The following ZNF277 variants were observed in gnomAD, a reference collection of about 807,000 sequenced individuals.
The protein encoded by ZNF277 is zinc finger protein 277.
A neutral mutation model predicts 60.7 loss-of-function variants in ZNF277; 55 were observed. The ratio of observed to expected loss-of-function variants is 0.91; its 90% CI spans 0.73 to 1.13. The LOEUF is 1.13. ZNF277 is among the 50% of genes most tolerant of loss of function. The pLI is 0.00. For synonymous variants in ZNF277, 178 were observed against 179.3 expected (o/e 0.99, Z 0.06); for missense variants, 510 against 523.0 (o/e 0.98, Z 0.24).
At chr7:112,216,540 G>T (rs186430727) in intron 1 of ZNF277, among the ~76,000 whole-genome samples, 3 of 152,132 alleles carry the variant, frequency 2.0e-5, no homozygotes, top group Admixed American at 1.3e-4. Flanking sequence ...GAATTTCTGA[G>T]CTCAGTGATC....
At position 112,302,131 on chromosome 7, in the gene ZNF277, A is replaced by G. The variant is rs373547877; in HGVS notation, c.465+5820A>G. ...GGTATTTTTTTTAATCACTATTTCA[A>G]ATGTCAGCTTGAGATATCATTCATG... On this transcript the variant is annotated intron_variant, in intron 4 of 11. Transcript: ENST00000361822. 1.3e-3 allele frequency among the ~76,000 whole-genome samples: 194 copies of G among 152,282 alleles called. 1 individual carries two copies. The highest frequency in any genetic ancestry group is 4.2e-3 in the African/African-American group (176 of 41,576).
At chr7:112,327,870 C>G (rs377326201) in intron 6 of ZNF277, 43 bp downstream of exon 6, 32 of 1,277,662 alleles carry the variant, frequency 2.5e-5, no homozygotes, top group Non-Finnish European at 3.5e-5. Flanking sequence ...CTGTTTTAAT[C>G]TTGGACTCTG....
At position 112,275,770 on chromosome 7, in the gene ZNF277, T is replaced by G. The variant is rs944910007; in HGVS notation, c.92-11103T>G. ...ACTGATTCCTCTTTATGAAATTGAT[T>G]AAGAAGGTATCATGTATAAACCAGA... On this transcript the variant is annotated intron_variant, in intron 1 of 11. Transcript: ENST00000361822. 1.2e-4 allele frequency among the ~76,000 whole-genome samples: 7 copies of G among 56,962 alleles called. No individual in the cohort carries two copies. In the East Asian group the frequency reaches 2.7e-3, roughly 22 times the overall value. The allele number at this position is 56,962 out of a possible 152,430, so 37.4% of individuals were successfully genotyped here.
intron 2 of ZNF277, chr7:112,287,583 G>T (rs555246252): frequency 6.7e-6 from 1 of 149,754 alleles, no homozygotes; most frequent in African/African-American, 2.5e-5. Context: ...CTGGAGTGCA[G>T]TGGCACGATC....
At chr7:112,283,715 A>G (rs906918408) in intron 1 of ZNF277, among the ~76,000 whole-genome samples, 1 of 152,316 alleles carries the variant, frequency 6.6e-6, no homozygotes, top group Non-Finnish European at 1.5e-5. Context: ...AGCATTAGAC[A>G]TACAAAAGGG....
chr7:112,212,122 T>G (rs533651150), intron 1 of ZNF277, among the ~76,000 whole-genome samples: 66 of 152,232 alleles, frequency 4.3e-4, no homozygotes, highest in Non-Finnish European at 8.2e-4. Flanking sequence ...GGATAGTATT[T>G]CAGTTTTTTA....
chr7:112,277,256 G>C (rs570805282), intron 1 of ZNF277, among the ~76,000 whole-genome samples: 3 of 151,924 alleles, frequency 2.0e-5, no homozygotes, highest in African/African-American at 7.2e-5. Context: ...CTAATTTTTT[G>C]TATTTTTATT....
rs192070478 is a variant in ZNF277 at position 112,337,348 on chromosome 7, C to A, written c.870-382C>A. Among the ~76,000 whole-genome samples, 22 of 152,336 alleles carry A rather than the reference C, an allele frequency of 1.4e-4. No individual in the cohort carries two copies. In the East Asian group the frequency reaches 3.7e-3, roughly 25 times the overall value. ...CAGAAACACATTCCCGGCATCACACCTCACAGCGTGTGCACTCAGTGGTTG... is the reference window on the plus strand; with the variant it reads ...CAGAAACACATTCCCGGCATCACACATCACAGCGTGTGCACTCAGTGGTTG... On this transcript the variant is annotated intron_variant, in intron 8 of 11. Transcript: ENST00000361822.
intron 1 of ZNF277, among the ~76,000 whole-genome samples, chr7:112,274,743 A>G (rs978704484): frequency 1.1e-4 from 16 of 152,160 alleles, no homozygotes; most frequent in Non-Finnish European, 2.1e-4. Context: ...CTAGACTACT[A>G]TTTCCAAAGT....
At chr7:112,293,752 A>G (rs948370655) in intron 2 of ZNF277, among the ~76,000 whole-genome samples, 1 of 152,166 alleles carries the variant, frequency 6.6e-6, no homozygotes, top group African/African-American at 2.4e-5. Context: ...CTGCCTTTCA[A>G]CAGGCTCTAG....
chr7:112,270,846 T>C (rs1371712114), intron 1 of ZNF277, among the ~76,000 whole-genome samples: 2 of 152,048 alleles, frequency 1.3e-5, no homozygotes, highest in African/African-American at 4.8e-5. Flanking sequence ...GAACAGTGGT[T>C]TGTGCTTTCA....
At chr7:112,222,117 G>C (rs576326366) in intron 1 of ZNF277, among the ~76,000 whole-genome samples, 1 of 152,120 alleles carries the variant, frequency 6.6e-6, no homozygotes, top group African/African-American at 2.4e-5. Flanking sequence ...TGAGTATTTT[G>C]TCTATCAGGG....
chr7:112,272,875 G>A (rs2117040946), intron 1 of ZNF277, among the ~76,000 whole-genome samples: 1 of 152,290 alleles, frequency 6.6e-6, no homozygotes, highest in South Asian at 2.1e-4. Context: ...CAGTATATGA[G>A]GATTCCCTTT....
chr7:112,305,372 T>C (rs1792565834), intron 4 of ZNF277, among the ~76,000 whole-genome samples: 2 of 152,054 alleles, frequency 1.3e-5, no homozygotes, highest in Admixed American at 6.6e-5. Flanking sequence ...GTAATTCATA[T>C]AGCTGAAATG....
intron 5 of ZNF277, among the ~76,000 whole-genome samples, chr7:112,323,914 A>G (rs1222270172): frequency 6.6e-6 from 1 of 152,240 alleles, no homozygotes; most frequent in African/African-American, 2.4e-5. Context: ...ATGAGATCAG[A>G]GAGCACTATG....
intron 10 of ZNF277, 125 bp downstream of exon 10, chr7:112,340,010 G>A: frequency 1.2e-6 from 1 of 842,616 alleles, no homozygotes; most frequent in Non-Finnish European, 1.9e-6. Context: ...CTCTATAGAT[G>A]GTCTTGACAG....
intron 11 of ZNF277, 100 bp from the exon 12 acceptor site, chr7:112,342,461 C>G: frequency 9.5e-7 from 1 of 1,055,576 alleles, no homozygotes; most frequent in Non-Finnish European, 1.3e-6. Context: ...AAATTGTTGG[C>G]AAGGATACCT....
Position 112,340,972 on chromosome 7 carries a change from A to T in ZNF277, c.1110A>T (p.Ala370=). ...GCCATGTGAAGTTCAAATCCAAAGC[A>T]GACTTAAGAACTCACATGGAAGAAA... is the stretch of plus-strand genomic sequence containing the variant. ...YGCHVKFKSK[A]DLRTHMEETK... is the part of the protein sequence containing the mutation. Residue 370 remains alanine (A), a synonymous_variant, in exon 11 of 12, where the codon GCA becomes GCT. Transcript: ENST00000361822. 6.2e-7 allele frequency: 1 copy of T among 1,612,276 alleles called. No individual in the cohort carries two copies. The highest frequency in any genetic ancestry group is 1.1e-5 in the South Asian group (1 of 90,250).
rs541308954 is a variant in ZNF277 at position 112,245,766 on chromosome 7, T to C, written c.91+38959T>C. On this transcript the variant is annotated intron_variant, in intron 1 of 11. Transcript: ENST00000361822. ...CCTTTTTGTAAGGATATCAGTCATATTGGATTATGACCTCCAATGGCCTCA... is the reference window on the plus strand; with the variant it reads ...CCTTTTTGTAAGGATATCAGTCATACTGGATTATGACCTCCAATGGCCTCA... Among the ~76,000 whole-genome samples, 82 of 152,332 alleles carry C rather than the reference T, an allele frequency of 5.4e-4. 3 individuals are homozygous for C. In the South Asian group the frequency reaches 0.015, roughly 27 times the overall value.
Sources: gnomAD v4.1 joint callset for allele counts (sites outside exome capture counted in the v4.1 genomes callset) on GRCh38, gnomAD v4.1.1 for gene constraint, MANE v1.5 for transcripts, NCBI Gene and HGNC (gene_info 2026-07-23, HGNC 2026-07-21) for gene names.